Variants in ROBO2 observed in about 807,000 individuals in gnomAD.
ROBO2 encodes roundabout homolog 2.
ROBO2 carries 53 observed loss-of-function variants against 160.8 expected under a neutral mutation model. The observed-to-expected ratio is 0.33, with a 90% CI of 0.26 to 0.41. The LOEUF (loss-of-function observed/expected upper bound fraction) is 0.41, where lower values mean the gene tolerates loss of function less well. Among genes scored for constraint, ROBO2 ranks in the 10% least tolerant of loss-of-function variants. ROBO2 has a pLI of 1.00. For missense variants in ROBO2, 1,577 were observed against 1,722.4 expected, an observed-to-expected ratio of 0.92 and a Z score of 1.49; for synonymous variants, 664 against 611.7, an observed-to-expected ratio of 1.09 and a Z score of -1.26.
In ROBO2 at chr3:77,617,511, A is replaced by C; in HGVS notation, c.3294-2A>C. ...GTGCATATTTTTCTCATTTAATTTC[A>C]GCTATGACAGTGATAGCTGGTGCCC... On this transcript the variant is annotated splice_acceptor_variant, in intron 21 of 25. Coordinates refer to ENST00000461745, the Ensembl canonical transcript of ROBO2. LOFTEE classifies it high-confidence loss of function. 1 of 1,614,108 alleles carries C rather than the reference A, an allele frequency of 6.2e-7. No homozygotes were observed. Among genetic ancestry groups the C allele is most frequent in the Non-Finnish European group, 8.5e-7 (1 of 1,179,994 alleles).
intron 2 of ROBO2, among the ~76,000 whole-genome samples, chr3:77,204,636 A>G (rs2083243861): frequency 6.6e-6 from 1 of 152,194 alleles, no homozygotes; most frequent in Non-Finnish European, 1.5e-5. Context: ...TTTTTCTAGA[A>G]TATGCAATTT....
chr3:76,164,261 C>T (rs1430934273), intron 2 of ROBO2, among the ~76,000 whole-genome samples: 1 of 152,300 alleles, frequency 6.6e-6, no homozygotes, highest in South Asian at 2.1e-4. Context: ...GCTGCATCTG[C>T]AGTTATTTCC....
At chr3:77,427,527 G>A (rs1356520868) in intron 2 of ROBO2, among the ~76,000 whole-genome samples, 1 of 152,140 alleles carries the variant, frequency 6.6e-6, no homozygotes, top group East Asian at 1.9e-4. Context: ...TTGTTGTTTG[G>A]GATGAGTGGG....
At chr3:76,000,388 C>T (rs1039134825) in intron 2 of ROBO2, among the ~76,000 whole-genome samples, 1 of 152,010 alleles carries the variant, frequency 6.6e-6, no homozygotes, top group Non-Finnish European at 1.5e-5. Context: ...TTGTTTCAAA[C>T]AACATCATTG....
intron 2 of ROBO2, among the ~76,000 whole-genome samples, chr3:76,329,085 A>C (rs2073274540): frequency 6.6e-6 from 1 of 151,970 alleles, no homozygotes; most frequent in South Asian, 2.1e-4. Flanking sequence ...GTCGGTGGAC[A>C]AGCTGCACAC....
intron 2 of ROBO2, among the ~76,000 whole-genome samples, chr3:75,980,462 G>T (rs2065245079): frequency 6.6e-6 from 1 of 150,848 alleles, no homozygotes; most frequent in African/African-American, 2.4e-5. Context: ...ACTTACTCTT[G>T]AAATTAAAAA....
intron 2 of ROBO2, among the ~76,000 whole-genome samples, chr3:76,465,998 GGTGTGT>G (rs57838247): frequency 2.9e-4 from 43 of 147,652 alleles, no homozygotes; most frequent in East Asian, 1.0e-3. Context: ...ATAAAATATG[GGTGTGT>G]GTGTGTGTGT....
At chr3:76,723,555 T>A (rs546726322) in intron 2 of ROBO2, among the ~76,000 whole-genome samples, 15 of 152,320 alleles carry the variant, frequency 9.8e-5, no homozygotes, top group Non-Finnish European at 2.1e-4. Context: ...CCTCCTATTA[T>A]AAGTCTAGGC....
At chr3:76,643,447 A>G (rs1038926513) in intron 2 of ROBO2, among the ~76,000 whole-genome samples, 2 of 152,160 alleles carry the variant, frequency 1.3e-5, no homozygotes, top group African/African-American at 4.8e-5. Context: ...ACGACATCCA[A>G]ACAAGTAAAA....
intron 2 of ROBO2, among the ~76,000 whole-genome samples, chr3:76,646,278 G>A (rs2090966426): frequency 6.6e-6 from 1 of 152,176 alleles, no homozygotes; most frequent in Admixed American, 6.5e-5. Context: ...CTGTGGAAGA[G>A]TGACGGGAAA....
rs1024511482 is a variant in ROBO2 at position 77,317,206 on chromosome 3, G to A, written c.389-160208G>A. The stretch of plus-strand genomic sequence containing the variant: ...TAGAGCACCCCGGATGGAAGGCCCA[G>A]CAGTGTGGAAATCCACGTCACAGCC... On this transcript the variant is annotated intron_variant, in intron 2 of 25. Coordinates refer to ENST00000461745, the Ensembl canonical transcript of ROBO2. 2.7e-5 allele frequency: 23 copies of A among 836,444 alleles called. No homozygotes were observed. The Admixed American group carries it at 3.9e-4, about 14-fold the overall frequency. The allele number at this position is 836,444 out of a possible 1,614,324, so 51.8% of individuals were successfully genotyped here.
chr3:76,603,342 AAAAAAAAAAATATATATATAT>A (rs1341580601), intron 2 of ROBO2, among the ~76,000 whole-genome samples: 12 of 69,328 alleles, frequency 1.7e-4, no homozygotes, highest in Middle Eastern at 6.1e-3. Flanking sequence ...CAAAAAAAAA[AAAAAAAAAAATATATATATAT>A]ATATATATAT....
chr3:77,249,290 A>G (rs2090089404), intron 2 of ROBO2, among the ~76,000 whole-genome samples: 1 of 152,194 alleles, frequency 6.6e-6, no homozygotes, highest in African/African-American at 2.4e-5. Context: ...TTCTCTGTAT[A>G]TATATTTTTT....
At chr3:76,903,121 C>T (rs1432391547) in intron 2 of ROBO2, among the ~76,000 whole-genome samples, 1 of 151,796 alleles carries the variant, frequency 6.6e-6, no homozygotes, top group African/African-American at 2.4e-5. Context: ...TAATATAATA[C>T]CTTATGTAGA....
chr3:76,863,811 T>A (rs552126564), intron 2 of ROBO2, among the ~76,000 whole-genome samples: 25 of 152,102 alleles, frequency 1.6e-4, no homozygotes, highest in Non-Finnish European at 2.8e-4. Flanking sequence ...AGTTACTGCC[T>A]CAAGCAATAA....
intron 2 of ROBO2, among the ~76,000 whole-genome samples, chr3:77,325,706 C>T (rs1299324288): frequency 6.6e-6 from 1 of 152,178 alleles, no homozygotes; most frequent in Non-Finnish European, 1.5e-5. Context: ...GTTAAGTAAT[C>T]TTTTGTTTAA....
At chr3:77,243,924 T>G (rs1045749727) in intron 2 of ROBO2, among the ~76,000 whole-genome samples, 7 of 152,320 alleles carry the variant, frequency 4.6e-5, no homozygotes, top group Admixed American at 2.0e-4. Context: ...TCAAAGCTCC[T>G]TATAGACAAG....
chr3:77,322,653 A>C (rs2064841929), intron 2 of ROBO2, among the ~76,000 whole-genome samples: 1 of 150,468 alleles, frequency 6.6e-6, no homozygotes, highest in Non-Finnish European at 1.5e-5. Flanking sequence ...TGGATGGACT[A>C]TATTTTATAG....
chr3:77,075,477 A>C (rs2149873676), intron 1 of ROBO2, among the ~76,000 whole-genome samples: 1 of 152,154 alleles, frequency 6.6e-6, no homozygotes, highest in African/African-American at 2.4e-5. Flanking sequence ...AGGGTAGGGG[A>C]GAGGTGCTCC....
Sources: allele counts gnomAD v4.1 joint callset (sites outside exome capture counted in the v4.1 genomes callset), GRCh38; gene constraint gnomAD v4.1.1; transcripts MANE v1.5; gene names NCBI Gene and HGNC (gene_info 2026-07-23, HGNC 2026-07-21).